ABCA9: variants seen among roughly 807,000 people sequenced by gnomAD.
ABCA9 encodes the protein ATP-binding cassette sub-family A member 9.
ABCA9 carries 183 observed loss-of-function variants against 205.3 expected under a neutral mutation model. The observed-to-expected ratio is 0.89, with a 90% CI of 0.79 to 1.01. The LOEUF is 1.01. ABCA9 is among the 50% of genes least tolerant of loss of function. ABCA9 has a pLI of 0.00. For synonymous variants in ABCA9, 651 were observed against 683.3 expected (o/e 0.95, Z 0.74); for missense variants, 1,805 against 1,912.4 (o/e 0.94, Z 1.05).
chr17:69,020,699 T>C (rs1339287335), intron 18 of ABCA9, 113 bp from the exon 19 acceptor site: 19 of 828,700 alleles, frequency 2.3e-5, no homozygotes, highest in Non-Finnish European at 2.3e-5. Flanking sequence ...TGGGCCAAGA[T>C]ACAAGTAATC....
chr17:68,986,445 C>G (rs1023839787), intron 31 of ABCA9, 121 bp from the exon 32 acceptor site: 1 of 960,128 alleles, frequency 1.0e-6, no homozygotes, highest in Non-Finnish European at 1.4e-6. Context: ...TGCACAAATG[C>G]AAATCAGTAA....
chr17:69,016,368 C>A lies in ABCA9; in HGVS notation c.2924G>T (p.Cys975Phe). Residue 975 changes from cysteine to phenylalanine, a missense_variant, in exon 22 of 39, where the codon TGT becomes TTT. Physicochemically the swap from Cys to Phe is radical, Grantham distance 205. Coordinates refer to ENST00000340001, the MANE Select transcript of ABCA9 (RefSeq NM_080283.4). ...DEKDHRFSIA[C>F]NTKRLNCFPV... ...AAAGCAATTCAGCCGTTTTGTATTA[C>A]ATGCTATTGAAAATCTGTGATCCTG... 6.3e-7 allele frequency: 1 copy of A among 1,592,084 alleles called. No homozygotes were observed. The highest frequency in any genetic ancestry group is 1.1e-5 in the South Asian group (1 of 86,994).
At chr17:69,038,644 T>G (rs1266497758) in intron 6 of ABCA9, among the ~76,000 whole-genome samples, 1 of 152,150 alleles carries the variant, frequency 6.6e-6, no homozygotes, top group South Asian at 2.1e-4. Flanking sequence ...ACATTCTCTT[T>G]GAAAACCAGC....
Position 69,016,119 on chromosome 17 carries a change from T to TAC in ABCA9, c.3039+133_3039+134insGT, listed in dbSNP as rs1485760537. The TAC allele has an allele frequency of 1.8e-3, 425 of 230,800 alleles. 2 individuals are homozygous for TAC. Among genetic ancestry groups the TAC allele is most frequent in the African/African-American group, 0.01 (401 of 39,720 alleles). 14.3% of individuals were successfully genotyped at this position (230,800 alleles called of 1,614,324 possible). On this transcript the variant is annotated intron_variant, in intron 22 of 38. Transcript: ENST00000340001. Reference sequence around the variant, plus strand: ...GTGTGTGTGTATATATATATATATATATATACACACACACACACACACACA... The same window carrying TAC: ...GTGTGTGTGTATATATATATATATATACATATACACACACACACACACACACA...
chr17:68,984,405 G>T (rs1392257894), intron 34 of ABCA9, among the ~76,000 whole-genome samples: 1 of 152,078 alleles, frequency 6.6e-6, no homozygotes. Context: ...AAAATACTAA[G>T]TTCAGAAATA....
At chr17:69,075,692 T>C in the ABCA9 span, among the ~76,000 whole-genome samples, 1 of 152,160 alleles carries the variant, frequency 6.6e-6, no homozygotes, top group East Asian at 1.9e-4. Context: ...CCAGCTTTGT[T>C]CTTTTTGCTT....
chr17:68,985,066 C>A lies in ABCA9; in HGVS notation c.4271G>T (p.Gly1424Val). Reference sequence around the variant, plus strand: ...CCCTGCCCGTACCTTTCGCTTTATTCCCTCTGACAAGGTCTTCACGGGAGC... The same window carrying A: ...CCCTGCCCGTACCTTTCGCTTTATTACCTCTGACAAGGTCTTCACGGGAGC... ...LKAPVKTLSEGIKRKLCFVLS... is the reference protein window; with the variant it reads ...LKAPVKTLSEVIKRKLCFVLS... The change falls in exon 33 of 39, where the codon GGA becomes GTA. Residue 1424 changes from glycine to valine, a missense_variant. Transcript: ENST00000340001. 1 of 1,614,218 alleles carries A rather than the reference C, an allele frequency of 6.2e-7. No individual in the cohort carries two copies. Among genetic ancestry groups the A allele is most frequent in the Non-Finnish European group, 8.5e-7 (1 of 1,180,042 alleles).
At chr17:69,059,669 ATT>A (rs11380738) in intron 1 of ABCA9, among the ~76,000 whole-genome samples, 7 of 143,756 alleles carry the variant, frequency 4.9e-5, no homozygotes, top group Admixed American at 1.4e-4. Context: ...GTTTGTGGTC[ATT>A]TTTTTTTTTT....
chr17:69,052,844 C>T lies in ABCA9; in HGVS notation c.-13-1705G>A, dbSNP rs115945811. Among the ~76,000 whole-genome samples the T allele has an allele frequency of 9.2e-3, 1,402 of 152,260 alleles. 29 individuals carry two copies. The highest frequency in any genetic ancestry group is 0.031 in the African/African-American group (1,268 of 41,550). On this transcript the variant is annotated intron_variant, in intron 1 of 38. Transcript: ENST00000340001. The stretch of plus-strand genomic sequence containing the variant: ...CTATATATTAGGGGTTCCCATAACC[C>T]GCTCCTTGGGTTTGATAATTTGCTA...
At chr17:69,021,696 CCTTTCTTT>C (rs545306848) in intron 18 of ABCA9, 38 bp downstream of exon 18, 2 of 1,222,366 alleles carry the variant, frequency 1.6e-6, no homozygotes, top group Admixed American at 2.2e-5. Flanking sequence ...TTCCTTCCTT[CCTTTCTTT>C]CTTTCTCCCT....
intron 1 of ABCA9, among the ~76,000 whole-genome samples, chr17:69,054,940 G>C (rs562007169): frequency 1.3e-5 from 2 of 151,322 alleles, no homozygotes; most frequent in African/African-American, 4.8e-5. Context: ...CTTTTCTTTT[G>C]GAAAATTCAT....
intron 25 of ABCA9, among the ~76,000 whole-genome samples, chr17:68,998,501 T>G (rs1336040422): frequency 6.6e-6 from 1 of 152,198 alleles, no homozygotes; most frequent in African/African-American, 2.4e-5. Flanking sequence ...GGAGCCTTTA[T>G]TTGGAAGTTT....
At chr17:69,048,330 G>T (rs2071786714) in intron 3 of ABCA9, among the ~76,000 whole-genome samples, 1 of 152,140 alleles carries the variant, frequency 6.6e-6, no homozygotes, top group Non-Finnish European at 1.5e-5. Flanking sequence ...TTCTGATTTT[G>T]GGTTTTAGAA....
At chr17:69,078,212 T>G in the ABCA9 span, among the ~76,000 whole-genome samples, 2 of 149,076 alleles carry the variant, frequency 1.3e-5, no homozygotes, top group African/African-American at 4.9e-5. Context: ...TTTTTGTTGT[T>G]TTTTTTTTTT....
rs754982218 is a variant in ABCA9, at chr17:68,992,157, C to G, written c.3716+18G>C. 10 of 1,500,726 alleles carry G rather than the reference C, an allele frequency of 6.7e-6. No homozygotes were observed. The highest frequency in any genetic ancestry group is 9.1e-6 in the Non-Finnish European group (10 of 1,103,420). The allele number at this position is 1,500,726 out of a possible 1,614,324, so 93.0% of individuals were successfully genotyped here. ...GAATATCAAAATGAAACATGAAATT[C>G]GATTTGATTTTCTCAACCTGAACAC... On this transcript the variant is annotated intron_variant, in intron 28 of 38. Coordinates refer to ENST00000340001, the MANE Select transcript of ABCA9 (RefSeq NM_080283.4).
In ABCA9 at chr17:69,029,165, T is replaced by C. The variant is rs201143728; in HGVS notation, c.1504+4A>G. 12 of 1,523,554 alleles carry C rather than the reference T, an allele frequency of 7.9e-6. No homozygotes were observed. Among genetic ancestry groups the C allele is most frequent in the Non-Finnish European group, 1.1e-5 (12 of 1,117,672 alleles). 94.4% of individuals were successfully genotyped at this position (1,523,554 alleles called of 1,614,324 possible). On this transcript the variant is annotated splice_donor_region_variant and intron_variant, in intron 11 of 38. Coordinates refer to ENST00000340001, the MANE Select transcript of ABCA9 (RefSeq NM_080283.4). ...CCCCATTAAATAAAATATTATTTTA[T>C]TACCTTTCAAAGCTTCTACTCTCTC...
intron 25 of ABCA9, among the ~76,000 whole-genome samples, chr17:69,004,463 G>C (rs961645035): frequency 3.6e-4 from 55 of 152,334 alleles, no homozygotes; most frequent in Middle Eastern, 3.4e-3. Context: ...GAGGCAGTCT[G>C]CCCGTTCTCA....
chr17:69,044,510 G>A lies in ABCA9; in HGVS notation c.560C>T (p.Ala187Val), dbSNP rs1163180931. 1.2e-6 allele frequency: 2 copies of A among 1,612,848 alleles called. No homozygotes were observed. The highest frequency in any genetic ancestry group is 1.7e-6 in the Non-Finnish European group (2 of 1,179,312). ...CTTTATACTCACTTCTATGATAGCA[G>A]CATTAATGGCAGCTTGAAAAGCTAC... ...GFVAFQAAIN[A>V]AIIEIATNHS... The change falls in exon 5 of 39, where the codon GCT becomes GTT. Residue 187 changes from alanine to valine, a missense_variant. Coordinates refer to ENST00000340001, the MANE Select transcript of ABCA9 (RefSeq NM_080283.4).
At chr17:69,016,100 G>GTA (rs1360919106) in intron 22 of ABCA9, among the ~76,000 whole-genome samples, 153 bp downstream of exon 22, 21 of 71,376 alleles carry the variant, frequency 2.9e-4, no homozygotes, top group African/African-American at 8.5e-4. Context: ...ATATGTGTGT[G>GTA]TGTATATATA....
Sources: gnomAD v4.1 joint callset for allele counts (sites outside exome capture counted in the v4.1 genomes callset) on GRCh38, gnomAD v4.1.1 for gene constraint, MANE v1.5 for transcripts, NCBI Gene and HGNC (gene_info 2026-07-23, HGNC 2026-07-21) for gene names.